MIDN: variants seen among roughly 807,000 people sequenced by gnomAD.
MIDN encodes midnolin.
A neutral mutation model predicts 46.1 loss-of-function variants in MIDN; 26 were observed. The ratio of observed to expected loss-of-function variants is 0.56; its 90% CI spans 0.41 to 0.78. MIDN has a LOEUF of 0.78. Among genes scored for constraint, MIDN ranks in the 30% least tolerant of loss-of-function variants. The probability of loss-of-function intolerance (pLI) is 0.00; values close to 1 mark genes in which losing one functional copy is unlikely to be tolerated. For synonymous variants in MIDN, 432 were observed against 343.3 expected (o/e 1.26, Z -2.86); for missense variants, 850 against 771.8 (o/e 1.10, Z -1.20).
At chr19:1,256,877 C>G (rs925752027) in intron 8 of MIDN, 118 bp from the exon 9 acceptor site, 1 of 1,469,244 alleles carries the variant, frequency 6.8e-7, no homozygotes, top group African/African-American at 1.4e-5. Context: ...TTGCTGACCT[C>G]CCTCCAGGGA....
rs1282513721 is a variant in MIDN at position 1,251,407 on chromosome 19, A to T, written c.234-155A>T. On this transcript the variant is annotated intron_variant, in intron 2 of 8. Transcript: ENST00000682408. The stretch of plus-strand genomic sequence containing the variant: ...CAGCACCAGACGGAGACCTCTCTGC[A>T]CGCGCTTAGGGCCCTGGATCTGGAA... 4 of 627,902 alleles carry T rather than the reference A, an allele frequency of 6.4e-6. No individual in the cohort carries two copies. In the Admixed American group the frequency reaches 1.0e-4, roughly 16 times the overall value. 38.9% of individuals were successfully genotyped at this position (627,902 alleles called of 1,614,324 possible).
intron 4 of MIDN, among the ~76,000 whole-genome samples, chr19:1,252,470 T>G (rs971121145): frequency 6.6e-6 from 1 of 151,418 alleles, no homozygotes; most frequent in Admixed American, 6.6e-5. Flanking sequence ...AGACAGGATG[T>G]TAGGAAAATA....
intron 6 of MIDN, 49 bp downstream of exon 6, chr19:1,254,527 G>A (rs2081174344): frequency 6.6e-7 from 1 of 1,523,086 alleles, no homozygotes; most frequent in Non-Finnish European, 8.8e-7. Flanking sequence ...TCCAAAGGGT[G>A]GGCCGTCCTG....
rs770780469 is a variant in MIDN at position 1,255,500 on chromosome 19, ACCT to A, written c.1068_1070del (p.Leu357del). On this transcript the variant is annotated inframe_deletion, in exon 8 of 9. Transcript: ENST00000682408. ...GGCACCATCCTGCAGATCCTGAACG[ACCT>A]CCTGAGCGCCACCCGGCACTACCAG... is the stretch of plus-strand genomic sequence containing the variant. 1 of 1,611,296 alleles carries A rather than the reference ACCT, an allele frequency of 6.2e-7. No individual in the cohort carries two copies. Among genetic ancestry groups the A allele is most frequent in the Non-Finnish European group, 8.5e-7 (1 of 1,179,340 alleles).
At position 1,255,403 on chromosome 19, in the gene MIDN, C is replaced by A. The variant is rs374014441; in HGVS notation, c.986-19C>A. 6.4e-7 allele frequency: 1 copy of A among 1,558,240 alleles called. No homozygotes were observed. Among genetic ancestry groups the A allele is most frequent in the Admixed American group, 1.9e-5 (1 of 53,876 alleles). On this transcript the variant is annotated intron_variant, in intron 7 of 8. Transcript: ENST00000682408. ...GGACTGTGCCCGTGCCGGGCACTCA[C>A]GGCCACCTCTGCCCGCAGGCACGCT...
chr19:1,253,436 C>T (rs542705649), intron 4 of MIDN, among the ~76,000 whole-genome samples: 94 of 150,368 alleles, frequency 6.3e-4, no homozygotes, highest in Middle Eastern at 6.9e-3. Flanking sequence ...CCCCCCCATC[C>T]CGGCCACTGG....
chr19:1,256,795 G>A (rs1482543774), intron 8 of MIDN, among the ~76,000 whole-genome samples, 200 bp from the exon 9 acceptor site: 1 of 152,170 alleles, frequency 6.6e-6, no homozygotes, highest in Non-Finnish European at 1.5e-5. Flanking sequence ...TCCTGCCTCG[G>A]CCTCCCAAAG....
chr19:1,251,967 G>T (rs1471643362), intron 4 of MIDN, 66 bp downstream of exon 4: 1 of 1,368,418 alleles, frequency 7.3e-7, no homozygotes, highest in Non-Finnish European at 1.0e-6. Context: ...GCCACCGACG[G>T]GGCCTGGGGG....
rs1280987674 is a variant in MIDN, at chr19:1,250,538, C to T, written c.233+9C>T. ...CTTCTCCACAAAGACACGTAGGTAC[C>T]GCGCGCCCCCGGCCGGCCGCCCCCT... On this transcript the variant is annotated intron_variant, in intron 2 of 8. Coordinates refer to ENST00000682408, the MANE Select transcript of MIDN (RefSeq NM_001388306.1). 1.7e-6 allele frequency: 2 copies of T among 1,209,710 alleles called. No individual in the cohort carries two copies. Among genetic ancestry groups the T allele is most frequent in the Non-Finnish European group, 2.1e-6 (2 of 951,066 alleles). 74.9% of individuals were successfully genotyped at this position (1,209,710 alleles called of 1,614,324 possible). A position where few individuals can be genotyped will look rare whatever the true frequency, so the allele number is the denominator to read the frequency against.
chr19:1,255,787 C>G, intron 8 of MIDN, 93 bp downstream of exon 8: 1 of 1,260,546 alleles, frequency 7.9e-7, no homozygotes, highest in Non-Finnish European at 1.1e-6. Context: ...GAGCAGCTGA[C>G]CTGCCCAGGG....
intron 2 of MIDN, chr19:1,251,168 G>C (rs943672250): frequency 2.9e-5 from 5 of 172,538 alleles, no homozygotes; most frequent in Admixed American, 6.4e-5. Context: ...GCCTCTCCTC[G>C]GGCCGAAACC....
rs1368417212 is a variant in MIDN, at chr19:1,248,657, C to T, written c.-411C>T. Reference sequence around the variant, plus strand: ...CACTTGGAGCGCAGAACCGGCCGCGCCCGGTGAGTGTGGAGGGGGGGGACC... The same window carrying T: ...CACTTGGAGCGCAGAACCGGCCGCGTCCGGTGAGTGTGGAGGGGGGGGACC... On this transcript the variant is annotated 5_prime_UTR_variant, in exon 1 of 9. Transcript: ENST00000682408. The T allele has an allele frequency of 6.6e-6, 1 of 152,576 alleles. No individual in the cohort carries two copies. Among genetic ancestry groups the T allele is most frequent in the Non-Finnish European group, 1.5e-5 (1 of 68,350 alleles). 9.5% of individuals were successfully genotyped at this position (152,576 alleles called of 1,614,324 possible). A position where few individuals can be genotyped will look rare whatever the true frequency, so the allele number is the denominator to read the frequency against.
rs1413225579 is a variant in MIDN at position 1,253,430 on chromosome 19, C to CA, written c.385-524_385-523insA. On this transcript the variant is annotated intron_variant, in intron 4 of 8. Coordinates refer to ENST00000682408, the MANE Select transcript of MIDN (RefSeq NM_001388306.1). ...CTCAGAAACCTCCGCCACCCCCCCC[C>CA]CCATCCCGGCCACTGGGGAGAGCAG... Among the ~76,000 whole-genome samples the CA allele has an allele frequency of 2.6e-5, 4 of 151,594 alleles. No individual in the cohort carries two copies. The East Asian group carries it at 5.8e-4, about 22-fold the overall frequency.
chr19:1,250,996 G>A (rs956540313), intron 2 of MIDN, among the ~76,000 whole-genome samples: 3 of 152,054 alleles, frequency 2.0e-5, no homozygotes, highest in African/African-American at 7.2e-5. Context: ...CAGGCCCGGA[G>A]CCCTCCCCCC....
At chr19:1,249,525 A>C (rs1356450191) in intron 1 of MIDN, among the ~76,000 whole-genome samples, 1 of 148,484 alleles carries the variant, frequency 6.7e-6, no homozygotes, top group Non-Finnish European at 1.5e-5. Context: ...ACCCGTCTCC[A>C]GACCTGGGTC....
rs759685503 is a variant in MIDN at position 1,254,902 on chromosome 19, C to A, written c.826C>A (p.Gln276Lys). ...CTCATGTGCCCCTTCCTCCCATCAGCAGATGGACTGCTCCCCCACGGCCAG... is the reference window on the plus strand; with the variant it reads ...CTCATGTGCCCCTTCCTCCCATCAGAAGATGGACTGCTCCCCCACGGCCAG... ...SHAASTTCPE[Q>K]MDCSPTASSS... The change falls in exon 7 of 9, where the codon CAG (glutamine) becomes AAG (lysine). Residue 276 changes from glutamine to lysine, a missense_variant and splice_region_variant. Transcript: ENST00000682408. The A allele has an allele frequency of 1.2e-6, 2 of 1,602,374 alleles. No individual in the cohort carries two copies. Among genetic ancestry groups the A allele is most frequent in the Non-Finnish European group, 8.5e-7 (1 of 1,174,092 alleles).
At chr19:1,254,700 G>T (rs1291919711) in intron 6 of MIDN, among the ~76,000 whole-genome samples, 2 of 152,066 alleles carry the variant, frequency 1.3e-5, no homozygotes, top group African/African-American at 4.8e-5. Flanking sequence ...TGGACCAGTA[G>T]ATGATCTCTT....
Position 1,254,612 on chromosome 19 carries a change from G to T in MIDN, c.825+134G>T, listed in dbSNP as rs556045712. 6.5e-5 allele frequency: 64 copies of T among 990,806 alleles called. 1 individual carries two copies. In the South Asian group the frequency reaches 8.9e-4, roughly 14 times the overall value. The allele number at this position is 990,806 out of a possible 1,614,324, so 61.4% of individuals were successfully genotyped here. A position where few individuals can be genotyped will look rare whatever the true frequency, so the allele number is the denominator to read the frequency against. On this transcript the variant is annotated intron_variant, in intron 6 of 8. Transcript: ENST00000682408. Reference sequence around the variant, plus strand: ...TATTAAGGGCTATCCTGTGACCTCGGGCTGGTGGGTGATCCCCCAGCCTAG... The same window carrying T: ...TATTAAGGGCTATCCTGTGACCTCGTGCTGGTGGGTGATCCCCCAGCCTAG...
At chr19:1,250,818 G>A (rs1178288943) in intron 2 of MIDN, among the ~76,000 whole-genome samples, 1 of 151,958 alleles carries the variant, frequency 6.6e-6, no homozygotes, top group Non-Finnish European at 1.5e-5. Context: ...CGGGTGTGGG[G>A]GCCGCCACCG....
Sources: gnomAD v4.1 joint callset for allele counts (sites outside exome capture counted in the v4.1 genomes callset) on GRCh38, gnomAD v4.1.1 for gene constraint, MANE v1.5 for transcripts, NCBI Gene and HGNC (gene_info 2026-07-23, HGNC 2026-07-21) for gene names.